Variants in ZCCHC10 observed in about 807,000 individuals in gnomAD.
ZCCHC10 encodes zinc finger CCHC-type containing 10, also known as zinc finger CCHC domain-containing protein 10.
ZCCHC10 carries 16 observed loss-of-function variants against 19.5 expected under a neutral mutation model. That is an observed-to-expected ratio of 0.82 (90% CI 0.56 to 1.25). The LOEUF is 1.25. Ranked by LOEUF, ZCCHC10 falls within the 50% of genes most tolerant of loss-of-function variation. ZCCHC10 has a pLI of 0.00. For synonymous variants in ZCCHC10, 67 were observed against 72.5 expected (o/e 0.92, Z 0.38); for missense variants, 197 against 201.0 (o/e 0.98, Z 0.12).
At chr5:133,010,621 T>A (rs546849265) in intron 2 of ZCCHC10, among the ~76,000 whole-genome samples, 1 of 152,060 alleles carries the variant, frequency 6.6e-6, no homozygotes, top group African/African-American at 2.4e-5. Flanking sequence ...TGAGTTTCTA[T>A]ATAACAAAAA....
chr5:132,998,930 T>C (rs1762595175), intron 4 of ZCCHC10, 80 bp from the exon 5 acceptor site: 3 of 1,535,596 alleles, frequency 2.0e-6, no homozygotes, highest in Non-Finnish European at 1.7e-6. Flanking sequence ...TTTTTTTTCT[T>C]TTCGAGACAG....
chr5:133,000,803 C>T (rs945301477), intron 3 of ZCCHC10, among the ~76,000 whole-genome samples: 4 of 151,550 alleles, frequency 2.6e-5, no homozygotes, highest in African/African-American at 7.3e-5. Flanking sequence ...TCACCAAGCC[C>T]GGCTAATTTT....
intron 3 of ZCCHC10, among the ~76,000 whole-genome samples, chr5:133,001,030 A>T (rs917600721): frequency 6.6e-6 from 1 of 152,106 alleles, no homozygotes; most frequent in Non-Finnish European, 1.5e-5. Context: ...ATTTGAATGA[A>T]AGGGACAAAT....
At position 132,998,538 on chromosome 5, in the gene ZCCHC10, A is replaced by C. The variant is rs1762559042; in HGVS notation, c.*45T>G. ...TATTCTAAATTCCCTTTCAAGAATC[A>C]CATCAATGTTTTCAGTCCATCAGTC... On this transcript the variant is annotated 3_prime_UTR_variant, in exon 5 of 5. Coordinates refer to ENST00000509437, the MANE Select transcript of ZCCHC10 (RefSeq NM_001300816.3). The C allele has an allele frequency of 1.3e-6, 2 of 1,546,942 alleles. No homozygotes were observed. The highest frequency in any genetic ancestry group is 1.8e-6 in the Non-Finnish European group (2 of 1,135,300).
intron 2 of ZCCHC10, among the ~76,000 whole-genome samples, chr5:133,007,696 A>C (rs1030035275): frequency 7.2e-5 from 11 of 152,142 alleles, no homozygotes; most frequent in South Asian, 2.1e-4. Flanking sequence ...TGATTCCAAT[A>C]AACTTTTTTG....
intron 1 of ZCCHC10, among the ~76,000 whole-genome samples, chr5:133,026,126 G>A (rs894643777): frequency 6.6e-6 from 1 of 152,208 alleles, no homozygotes; most frequent in African/African-American, 2.4e-5. Context: ...GGAAACTGAA[G>A]GTTTACGTCG....
intron 2 of ZCCHC10, among the ~76,000 whole-genome samples, chr5:133,016,583 C>T (rs1763936329): frequency 6.6e-6 from 1 of 151,990 alleles, no homozygotes; most frequent in Middle Eastern, 3.2e-3. Flanking sequence ...GCTGGGATTA[C>T]AGGCGCCTGC....
At chr5:133,018,553 C>T (rs1210680961) in intron 2 of ZCCHC10, among the ~76,000 whole-genome samples, 1 of 152,044 alleles carries the variant, frequency 6.6e-6, no homozygotes, top group African/African-American at 2.4e-5. Flanking sequence ...GGTGTGCCAC[C>T]CTGCCCTACT....
At chr5:133,009,333 G>C (rs948159490) in intron 2 of ZCCHC10, among the ~76,000 whole-genome samples, 6 of 151,626 alleles carry the variant, frequency 4.0e-5, no homozygotes, top group African/African-American at 1.5e-4. Context: ...AACCAAAAAA[G>C]ATGGCCAGGT....
chr5:133,002,859 A>G (rs2126553060), intron 3 of ZCCHC10, among the ~76,000 whole-genome samples: 1 of 151,930 alleles, frequency 6.6e-6, no homozygotes, highest in Admixed American at 6.6e-5. Flanking sequence ...AGCTGGGATT[A>G]CAGGTGCCCG....
intron 3 of ZCCHC10, 63 bp downstream of exon 3, chr5:133,006,695 TC>T: frequency 6.9e-7 from 1 of 1,447,206 alleles, no homozygotes; most frequent in Non-Finnish European, 9.2e-7. Context: ...AAACGTTTGG[TC>T]CTTTAATAAA....
At chr5:133,005,629 T>G (rs1036284941) in intron 3 of ZCCHC10, among the ~76,000 whole-genome samples, 6 of 151,186 alleles carry the variant, frequency 4.0e-5, no homozygotes, top group Non-Finnish European at 5.9e-5. Flanking sequence ...AAAACTATTA[T>G]GACCATTCAC....
At chr5:133,008,816 A>C (rs1433662684) in intron 2 of ZCCHC10, among the ~76,000 whole-genome samples, 3 of 152,096 alleles carry the variant, frequency 2.0e-5, no homozygotes, top group Non-Finnish European at 4.4e-5. Context: ...GTTTGAGACT[A>C]GCCTGGGCAA....
At chr5:133,019,783 G>A (rs1021776386) in intron 2 of ZCCHC10, among the ~76,000 whole-genome samples, 10 of 150,780 alleles carry the variant, frequency 6.6e-5, no homozygotes, top group Non-Finnish European at 1.3e-4. Flanking sequence ...GGTAAAACCC[G>A]TCTCTACTAA....
At chr5:133,011,281 C>CT (rs1763504816) in intron 2 of ZCCHC10, 1 of 151,868 alleles carries the variant, frequency 6.6e-6, no homozygotes, top group South Asian at 2.1e-4. Flanking sequence ...ATCCTAAAAA[C>CT]TACCAAATAC....
At chr5:133,000,728 C>T (rs13360808) in intron 3 of ZCCHC10, among the ~76,000 whole-genome samples, 46,570 of 150,624 alleles carry the variant, frequency 0.31, 8,093 homozygotes, top group African/African-American at 0.48. Context: ...CTGCAACCTC[C>T]GCCTCCTGGG....
At chr5:133,024,693 G>C (rs766256623) in intron 1 of ZCCHC10, among the ~76,000 whole-genome samples, 1 of 152,144 alleles carries the variant, frequency 6.6e-6, no homozygotes, top group Non-Finnish European at 1.5e-5. Context: ...CTTGACATCA[G>C]GAGTTCGAGA....
chr5:133,023,670 C>A (rs1205169558), intron 1 of ZCCHC10, among the ~76,000 whole-genome samples: 1 of 151,544 alleles, frequency 6.6e-6, no homozygotes, highest in Admixed American at 6.6e-5. Context: ...CTAAAGGAGG[C>A]TGAGGCAGGA....
chr5:133,006,157 G>A (rs1220486807), intron 3 of ZCCHC10, among the ~76,000 whole-genome samples: 1 of 147,070 alleles, frequency 6.8e-6, no homozygotes, highest in Admixed American at 6.9e-5. Context: ...GCTAATTTTT[G>A]TATTTTTAGT....
Sources: allele counts gnomAD v4.1 joint callset (sites outside exome capture counted in the v4.1 genomes callset), GRCh38; gene constraint gnomAD v4.1.1; transcripts MANE v1.5; gene names NCBI Gene and HGNC (gene_info 2026-07-23, HGNC 2026-07-21).